The following HS3ST5 variants were observed in gnomAD, a reference collection of about 807,000 sequenced individuals.
HS3ST5 encodes the protein heparan sulfate-glucosamine 3-sulfotransferase 5, also known as heparan sulfate glucosamine 3-O-sulfotransferase 5.
Under a neutral mutation model 25.4 loss-of-function variants are expected in HS3ST5, and 10 were observed. The ratio of observed to expected loss-of-function variants is 0.39; its 90% CI spans 0.24 to 0.67. The LOEUF (loss-of-function observed/expected upper bound fraction) is 0.67. Ranked by LOEUF, HS3ST5 falls within the 30% of genes least tolerant of loss-of-function variation. The probability of loss-of-function intolerance (pLI) is 0.44; values close to 1 mark genes in which losing one functional copy is unlikely to be tolerated. For synonymous variants in HS3ST5, 170 were observed against 162.4 expected (o/e 1.05, Z -0.36); for missense variants, 324 against 420.7 (o/e 0.77, Z 2.01).
At chr6:114,226,929 T>G (rs1470851387) in intron 2 of HS3ST5, among the ~76,000 whole-genome samples, 1 of 151,984 alleles carries the variant, frequency 6.6e-6, no homozygotes, top group South Asian at 2.1e-4. Context: ...AAAGGTATGC[T>G]TCTCTGAAAT....
At chr6:114,284,597 A>C (rs1317053770) in intron 1 of HS3ST5, among the ~76,000 whole-genome samples, 1 of 151,976 alleles carries the variant, frequency 6.6e-6, no homozygotes, top group African/African-American at 2.4e-5. Context: ...ATGACCATGG[A>C]ACCCAGGGAA....
intron 3 of HS3ST5, among the ~76,000 whole-genome samples, chr6:114,136,487 G>A (rs144979967): frequency 8.4e-4 from 128 of 152,210 alleles, no homozygotes; most frequent in East Asian, 7.7e-3. Context: ...ACCCAGTCTC[G>A]GATATATCTT....
At chr6:114,213,108 A>G (rs1371864238) in intron 2 of HS3ST5, among the ~76,000 whole-genome samples, 1 of 152,034 alleles carries the variant, frequency 6.6e-6, no homozygotes, top group Non-Finnish European at 1.5e-5. Flanking sequence ...GAGAGCTAGA[A>G]AGGGGATGGA....
intron 1 of HS3ST5, among the ~76,000 whole-genome samples, chr6:114,334,399 G>A (rs1776525666): frequency 6.6e-6 from 1 of 152,144 alleles, no homozygotes; most frequent in African/African-American, 2.4e-5. Flanking sequence ...CAGACAGCTA[G>A]CTCACCAGAT....
chr6:114,324,470 T>C (rs1024457185), intron 1 of HS3ST5, among the ~76,000 whole-genome samples: 16 of 152,176 alleles, frequency 1.1e-4, no homozygotes, highest in South Asian at 2.1e-4. Context: ...CAACATTAGC[T>C]TGATGACTCT....
At chr6:114,078,698 C>G (rs762852249) in intron 3 of HS3ST5, among the ~76,000 whole-genome samples, 1 of 152,152 alleles carries the variant, frequency 6.6e-6, no homozygotes, top group Non-Finnish European at 1.5e-5. Context: ...TAGCAGAGTT[C>G]AAAATACAGT....
intron 3 of HS3ST5, among the ~76,000 whole-genome samples, chr6:114,158,553 A>G (rs569957245): frequency 1.6e-4 from 24 of 152,332 alleles, no homozygotes; most frequent in African/African-American, 4.3e-4. Flanking sequence ...CATAGCAGAC[A>G]AAGAAAATGA....
At chr6:114,272,630 A>G (rs896629398) in intron 1 of HS3ST5, among the ~76,000 whole-genome samples, 1 of 152,092 alleles carries the variant, frequency 6.6e-6, no homozygotes, top group Non-Finnish European at 1.5e-5. Context: ...AAGCCACAGG[A>G]GAGTTCTCCC....
intron 3 of HS3ST5, among the ~76,000 whole-genome samples, chr6:114,094,626 C>A (rs546507393): frequency 1.3e-5 from 2 of 152,236 alleles, no homozygotes; most frequent in South Asian, 4.2e-4. Flanking sequence ...ATATAATTTC[C>A]TTACAGCAAT....
intron 3 of HS3ST5, among the ~76,000 whole-genome samples, chr6:114,161,380 T>G (rs1415468140): frequency 6.7e-6 from 1 of 149,846 alleles, no homozygotes; most frequent in East Asian, 2.0e-4. Flanking sequence ...TAACAATATG[T>G]TTTGCTCTAT....
At chr6:114,308,410 C>G (rs1483037598) in intron 1 of HS3ST5, among the ~76,000 whole-genome samples, 1 of 152,008 alleles carries the variant, frequency 6.6e-6, no homozygotes, top group Admixed American at 6.6e-5. Context: ...ACAGTGAAAC[C>G]CCGTCTCTAC....
At chr6:114,125,147 TA>T (rs139512592) in intron 3 of HS3ST5, among the ~76,000 whole-genome samples, 8,802 of 152,294 alleles carry the variant, frequency 0.058, 312 homozygotes, top group Non-Finnish European at 0.08. Context: ...TGATTTTTTT[TA>T]AATACAAAAC....
At chr6:114,229,603 G>A (rs970700421) in intron 1 of HS3ST5, among the ~76,000 whole-genome samples, 1 of 152,200 alleles carries the variant, frequency 6.6e-6, no homozygotes, top group African/African-American at 2.4e-5. Context: ...AGAAAATCAA[G>A]TGTTCACTTT....
intron 3 of HS3ST5, among the ~76,000 whole-genome samples, chr6:114,129,833 C>T (rs1171771611): frequency 6.6e-6 from 1 of 152,154 alleles, no homozygotes; most frequent in East Asian, 1.9e-4. Flanking sequence ...AAAACTCAAA[C>T]ATATAGGATA....
intron 2 of HS3ST5, among the ~76,000 whole-genome samples, chr6:114,226,164 T>C (rs944919764): frequency 9.2e-5 from 14 of 151,942 alleles, no homozygotes; most frequent in African/African-American, 3.1e-4. Context: ...AATGGAACTA[T>C]TATAGTTAGA....
chr6:114,064,991 T>C (rs1773366432), intron 3 of HS3ST5, among the ~76,000 whole-genome samples: 1 of 151,810 alleles, frequency 6.6e-6, no homozygotes, highest in South Asian at 2.1e-4. Context: ...AGAGAAAGGA[T>C]TAAGAGCATA....
At chr6:114,161,561 A>T (rs1238105758) in intron 3 of HS3ST5, among the ~76,000 whole-genome samples, 1 of 99,214 alleles carries the variant, frequency 1.0e-5, no homozygotes, top group East Asian at 3.0e-4. Context: ...ATATATATAT[A>T]TATATATATA....
intron 1 of HS3ST5, among the ~76,000 whole-genome samples, chr6:114,320,213 A>T (rs1355776301): frequency 6.6e-6 from 1 of 152,116 alleles, no homozygotes; most frequent in African/African-American, 2.4e-5. Context: ...TTTTCTAATG[A>T]AACTGAGACT....
chr6:114,242,270 A>G (rs966144647), intron 1 of HS3ST5, among the ~76,000 whole-genome samples: 2 of 152,192 alleles, frequency 1.3e-5, no homozygotes, highest in Non-Finnish European at 1.5e-5. Flanking sequence ...TTAATTAAGC[A>G]TATTATTAAA....
Sources: gnomAD v4.1 joint callset for allele counts (sites outside exome capture counted in the v4.1 genomes callset) on GRCh38, gnomAD v4.1.1 for gene constraint, MANE v1.5 for transcripts, NCBI Gene and HGNC (gene_info 2026-07-23, HGNC 2026-07-21) for gene names.